GRID1: variants seen among roughly 807,000 people sequenced by gnomAD.
GRID1 encodes glutamate ionotropic receptor delta type subunit 1.
Under a neutral mutation model 98.0 loss-of-function variants are expected in GRID1, and 28 were observed. The ratio of observed to expected loss-of-function variants is 0.29; its 90% CI spans 0.21 to 0.39. The LOEUF (loss-of-function observed/expected upper bound fraction) is 0.39. Ranked by LOEUF, GRID1 falls within the 10% of genes least tolerant of loss-of-function variation. GRID1 has a pLI of 1.00. For synonymous variants in GRID1, 553 were observed against 538.5 expected (o/e 1.03, Z -0.37); for missense variants, 1,111 against 1,340.5 (o/e 0.83, Z 2.67).
chr10:85,858,221 G>A (rs1843132057), intron 6 of GRID1, among the ~76,000 whole-genome samples: 1 of 152,248 alleles, frequency 6.6e-6, no homozygotes, highest in Non-Finnish European at 1.5e-5. Context: ...GGTGTAACAG[G>A]TAGGTGGAGG....
intron 3 of GRID1, among the ~76,000 whole-genome samples, chr10:86,186,956 C>T (rs1488367128): frequency 6.6e-6 from 1 of 152,210 alleles, no homozygotes; most frequent in Non-Finnish European, 1.5e-5. Flanking sequence ...TCTGGACTAG[C>T]TTTAGAGGTT....
At chr10:86,183,541 T>G (rs1348142287) in intron 3 of GRID1, among the ~76,000 whole-genome samples, 1 of 152,128 alleles carries the variant, frequency 6.6e-6, no homozygotes, top group Non-Finnish European at 1.5e-5. Flanking sequence ...GTCTTTTTAG[T>G]AGAGACAGGG....
intron 2 of GRID1, among the ~76,000 whole-genome samples, chr10:86,278,486 C>G (rs1847306210): frequency 6.6e-6 from 1 of 151,802 alleles, no homozygotes; most frequent in East Asian, 1.9e-4. Context: ...TCAAGGAAAC[C>G]AAAAGCTGGC....
chr10:86,207,925 C>T (rs1174713955), intron 2 of GRID1, among the ~76,000 whole-genome samples: 2 of 152,162 alleles, frequency 1.3e-5, no homozygotes, highest in Non-Finnish European at 2.9e-5. Context: ...CCACCGCGCC[C>T]GGCCGCAGAT....
intron 12 of GRID1, 37 bp downstream of exon 12, chr10:85,722,966 G>A (rs761298929): frequency 6.3e-7 from 1 of 1,580,396 alleles, no homozygotes; most frequent in Non-Finnish European, 8.6e-7. Flanking sequence ...AAGCCTCTCT[G>A]AGCTGCTGGC....
chr10:86,324,103 C>T (rs1848009564), intron 2 of GRID1, among the ~76,000 whole-genome samples: 1 of 152,026 alleles, frequency 6.6e-6, no homozygotes, highest in Admixed American at 6.6e-5. Context: ...CGCTTGAACC[C>T]AGGACGCAGA....
At chr10:85,645,151 T>C (rs545102713) in intron 13 of GRID1, among the ~76,000 whole-genome samples, 39 of 152,262 alleles carry the variant, frequency 2.6e-4, no homozygotes, top group Middle Eastern at 3.4e-3. Context: ...AAAGTAGCTA[T>C]CTTTTTTTTT....
At chr10:86,331,312 G>A (rs1007936518) in intron 2 of GRID1, among the ~76,000 whole-genome samples, 3 of 152,192 alleles carry the variant, frequency 2.0e-5, no homozygotes, top group Non-Finnish European at 4.4e-5. Flanking sequence ...GGGGCAGGAG[G>A]CACACAGAGC....
At chr10:85,628,885 G>A (rs1842941570) in intron 13 of GRID1, among the ~76,000 whole-genome samples, 1 of 152,174 alleles carries the variant, frequency 6.6e-6, no homozygotes, top group Admixed American at 6.5e-5. Flanking sequence ...CCAAAGGGGA[G>A]CAAGGCCATC....
chr10:85,903,073 C>A (rs1483433952), intron 5 of GRID1, among the ~76,000 whole-genome samples: 10 of 152,092 alleles, frequency 6.6e-5, no homozygotes, highest in Admixed American at 5.2e-4. Flanking sequence ...GGTTCAATAT[C>A]CCCTATATGC....
At chr10:86,088,014 C>A (rs1382300883) in intron 4 of GRID1, among the ~76,000 whole-genome samples, 1 of 152,228 alleles carries the variant, frequency 6.6e-6, no homozygotes, top group Non-Finnish European at 1.5e-5. Context: ...CCTCTGTCCT[C>A]GCCAACAACC....
chr10:86,157,776 A>G (rs1038555563), intron 3 of GRID1, among the ~76,000 whole-genome samples: 2 of 152,216 alleles, frequency 1.3e-5, no homozygotes, highest in African/African-American at 4.8e-5. Context: ...TATAAACGCA[A>G]GTTGACAGCC....
At chr10:86,024,654 CCT>C (rs765856334) in intron 4 of GRID1, among the ~76,000 whole-genome samples, 1 of 152,224 alleles carries the variant, frequency 6.6e-6, no homozygotes, top group Non-Finnish European at 1.5e-5. Context: ...CTGAGCCCCA[CCT>C]CTCTGGCTGG....
At chr10:85,762,086 CCATCATGCTTCAGATTA>C (rs1225753715) in intron 8 of GRID1, among the ~76,000 whole-genome samples, 5 of 152,190 alleles carry the variant, frequency 3.3e-5, no homozygotes, top group African/African-American at 1.2e-4. Context: ...GTCGCTGTAT[CCATCATGCTTCAGATTA>C]AGTGACACTC....
chr10:86,233,242 G>C (rs928281730), intron 2 of GRID1, among the ~76,000 whole-genome samples: 1 of 151,910 alleles, frequency 6.6e-6, no homozygotes, highest in African/African-American at 2.4e-5. Context: ...ACCTCAGCCA[G>C]GTTCGGTGCA....
At chr10:86,217,504 T>C (rs1161237301) in intron 2 of GRID1, among the ~76,000 whole-genome samples, 1 of 152,222 alleles carries the variant, frequency 6.6e-6, no homozygotes, top group Non-Finnish European at 1.5e-5. Context: ...TGGAGGAGCT[T>C]GGGGCCAATT....
chr10:85,874,469 T>C (rs1015995870), intron 5 of GRID1, among the ~76,000 whole-genome samples: 5 of 152,256 alleles, frequency 3.3e-5, no homozygotes, highest in Non-Finnish European at 7.3e-5. Context: ...TAAGGTTGAA[T>C]ATCTTTTATA....
chr10:86,053,229 T>C (rs1007174087), intron 4 of GRID1, among the ~76,000 whole-genome samples: 8 of 152,184 alleles, frequency 5.3e-5, no homozygotes. Flanking sequence ...TAATATATAT[T>C]CCTTGTGTAA....
At position 86,195,459 on chromosome 10, in the gene GRID1, G is replaced by A. The variant is rs1044563124; in HGVS notation, c.520+10905C>T. 2.6e-5 allele frequency among the ~76,000 whole-genome samples: 4 copies of A among 152,100 alleles called. No homozygotes were observed. The highest frequency in any genetic ancestry group is 2.0e-4 in the Admixed American group (3 of 15,268). ...TAATGCAGTTGCTTTCTTAACCTCA[G>A]TGTCTCTCTAAGAAGACATTAGAAG... On this transcript the variant is annotated intron_variant, in intron 3 of 15. Transcript: ENST00000327946. The surrounding 1 kb of genome is among the most constrained non-coding windows in gnomAD (Gnocchi z 4.4).
Sources: gnomAD v4.1 joint callset for allele counts (sites outside exome capture counted in the v4.1 genomes callset) on GRCh38, gnomAD v4.1.1 for gene constraint, Gnocchi (gnomAD v3.1) non-coding constraint, MANE v1.5 for transcripts, NCBI Gene and HGNC (gene_info 2026-07-23, HGNC 2026-07-21) for gene names.